GRIN3A: variants seen among roughly 807,000 people sequenced by gnomAD.
GRIN3A encodes the protein glutamate ionotropic receptor NMDA type subunit 3A, also known as glutamate receptor ionotropic, NMDA 3A.
A neutral mutation model predicts 92.4 loss-of-function variants in GRIN3A; 47 were observed. That is an observed-to-expected ratio of 0.51 (90% CI 0.40 to 0.65). The LOEUF is 0.65. GRIN3A is among the 30% of genes least tolerant of loss of function. The pLI, the probability that GRIN3A is intolerant of heterozygous loss-of-function variation, is 0.00. For synonymous variants in GRIN3A, 527 were observed against 540.6 expected, an observed-to-expected ratio of 0.97 and a Z score of 0.35; for missense variants, 1,324 against 1,393.1, an observed-to-expected ratio of 0.95 and a Z score of 0.79.
chr9:101,623,523 A>G (rs527769514), intron 4 of GRIN3A, 90 bp from the exon 5 acceptor site: 2 of 908,492 alleles, frequency 2.2e-6, no homozygotes, highest in East Asian at 4.9e-5. Flanking sequence ...TTTAGGGGAC[A>G]GAACCCGAAC....
At chr9:101,659,387 AG>A (rs1331224722) in intron 3 of GRIN3A, among the ~76,000 whole-genome samples, 1 of 141,420 alleles carries the variant, frequency 7.1e-6, no homozygotes, top group Non-Finnish European at 1.6e-5. Context: ...ATACATAGAA[AG>A]TATCTATGTA....
chr9:101,677,226 T>C (rs62576303), intron 2 of GRIN3A, among the ~76,000 whole-genome samples: 19,837 of 152,074 alleles, frequency 0.13, 1,577 homozygotes, highest in Admixed American at 0.19. Flanking sequence ...CCCTAAACTC[T>C]CTGATTTCCT....
intron 1 of GRIN3A, among the ~76,000 whole-genome samples, chr9:101,687,957 T>C (rs1829560456): frequency 1.3e-5 from 2 of 152,196 alleles, no homozygotes; most frequent in South Asian, 4.1e-4. Flanking sequence ...AAATTAGCAG[T>C]CATATAATTG....
chr9:101,693,697 G>C (rs1829648645), intron 1 of GRIN3A, among the ~76,000 whole-genome samples: 1 of 152,140 alleles, frequency 6.6e-6, no homozygotes, highest in Non-Finnish European at 1.5e-5. Context: ...CTGCTGCCCA[G>C]TGTGCACATG....
intron 1 of GRIN3A, among the ~76,000 whole-genome samples, chr9:101,730,618 T>A (rs1324883924): frequency 6.6e-6 from 1 of 152,106 alleles, no homozygotes; most frequent in Non-Finnish European, 1.5e-5. Context: ...ACCTTATATT[T>A]CCTCCATCAT....
At chr9:101,644,071 A>G (rs1270952465) in intron 3 of GRIN3A, among the ~76,000 whole-genome samples, 1 of 151,964 alleles carries the variant, frequency 6.6e-6, no homozygotes, top group African/African-American at 2.4e-5. Context: ...GGTTATAGAT[A>G]TGTAAATAGT....
At chr9:101,599,225 ATGT>A (rs1297641410) in intron 6 of GRIN3A, among the ~76,000 whole-genome samples, 1 of 152,192 alleles carries the variant, frequency 6.6e-6, no homozygotes, top group East Asian at 1.9e-4. Context: ...GTATATAGAA[ATGT>A]TATGTAAGAG....
intron 1 of GRIN3A, among the ~76,000 whole-genome samples, chr9:101,718,150 T>C (rs777783213): frequency 4.6e-5 from 7 of 152,336 alleles, no homozygotes; most frequent in African/African-American, 7.2e-5. Context: ...CCAATAGTCA[T>C]TGAGCATCTA....
intron 1 of GRIN3A, among the ~76,000 whole-genome samples, chr9:101,715,395 GC>G (rs1829931809): frequency 6.6e-6 from 1 of 152,050 alleles, no homozygotes; most frequent in Admixed American, 6.6e-5. Context: ...GGTGGCTCAT[GC>G]CTATAATCCT....
chr9:101,659,127 A>G (rs1159103515), intron 3 of GRIN3A, among the ~76,000 whole-genome samples: 1 of 151,896 alleles, frequency 6.6e-6, no homozygotes, highest in Non-Finnish European at 1.5e-5. Flanking sequence ...GAGCATGAAA[A>G]TAAGATTCTT....
chr9:101,738,048 G>A lies in GRIN3A; in HGVS notation c.-69C>T. 7.5e-7 allele frequency: 1 copy of A among 1,337,052 alleles called. No homozygotes were observed. Among genetic ancestry groups the A allele is most frequent in the Non-Finnish European group, 1.0e-6 (1 of 967,596 alleles). 82.8% of individuals were successfully genotyped at this position (1,337,052 alleles called of 1,614,324 possible). On this transcript the variant is annotated 5_prime_UTR_variant, in exon 1 of 9. Transcript: ENST00000361820. Reference sequence around the variant, plus strand: ...GCTCGCCCCTCTGCAGCCGCTGCCTGAGGTCTCCGCCTCCAGGTCCCGCGC... The same window carrying A: ...GCTCGCCCCTCTGCAGCCGCTGCCTAAGGTCTCCGCCTCCAGGTCCCGCGC...
At position 101,650,786 on chromosome 9, in the gene GRIN3A, C is replaced by T. The variant is rs542309309; in HGVS notation, c.2352+19274G>A. ...GTCCAGTCTTACCTTTTGGCATTTG[C>T]ACATGCTGTTACCTCTGCCTGGAAT... On this transcript the variant is annotated intron_variant, in intron 3 of 8. Coordinates refer to ENST00000361820, the MANE Select transcript of GRIN3A (RefSeq NM_133445.3). 3.9e-5 allele frequency among the ~76,000 whole-genome samples: 6 copies of T among 152,056 alleles called. No homozygotes were observed. The South Asian group carries it at 1.2e-3, about 32-fold the overall frequency.
intron 3 of GRIN3A, among the ~76,000 whole-genome samples, chr9:101,641,440 G>A (rs1312696255): frequency 1.3e-5 from 2 of 152,164 alleles, no homozygotes; most frequent in Non-Finnish European, 2.9e-5. Flanking sequence ...TATACACCAT[G>A]GAATACTATG....
intron 1 of GRIN3A, among the ~76,000 whole-genome samples, chr9:101,701,318 C>T (rs1564147920): frequency 6.6e-6 from 1 of 152,134 alleles, no homozygotes; most frequent in Non-Finnish European, 1.5e-5. Context: ...TATTTCATCA[C>T]CGACGTATTA....
chr9:101,593,812 T>G (rs1828067108), intron 6 of GRIN3A: 1 of 152,384 alleles, frequency 6.6e-6, no homozygotes, highest in African/African-American at 2.4e-5. Context: ...CCAAATGAAC[T>G]CCTACCCCTC....
At chr9:101,656,377 CT>C (rs1307515828) in intron 3 of GRIN3A, among the ~76,000 whole-genome samples, 1 of 151,860 alleles carries the variant, frequency 6.6e-6, no homozygotes, top group African/African-American at 2.4e-5. Context: ...AAGGCCAGAG[CT>C]AAGCAGGATG....
At chr9:101,585,037 C>T (rs942506519) in intron 6 of GRIN3A, among the ~76,000 whole-genome samples, 1 of 152,188 alleles carries the variant, frequency 6.6e-6, no homozygotes. Flanking sequence ...TGTCTATACT[C>T]ATTGCTTCTA....
chr9:101,651,585 G>A (rs1014925211), intron 3 of GRIN3A, among the ~76,000 whole-genome samples: 1 of 151,650 alleles, frequency 6.6e-6, no homozygotes, highest in African/African-American at 2.4e-5. Context: ...TATGCACAAA[G>A]AGTAGCTTGC....
intron 2 of GRIN3A, among the ~76,000 whole-genome samples, chr9:101,673,678 A>T (rs1436153386): frequency 1.3e-5 from 2 of 152,124 alleles, no homozygotes; most frequent in Non-Finnish European, 2.9e-5. Context: ...ATTCCATCAC[A>T]TTCCTTTTTT....
Sources: gnomAD v4.1 joint callset for allele counts (sites outside exome capture counted in the v4.1 genomes callset) on GRCh38, gnomAD v4.1.1 for gene constraint, MANE v1.5 for transcripts, NCBI Gene and HGNC (gene_info 2026-07-23, HGNC 2026-07-21) for gene names.